Variants in HECW1 observed in about 807,000 individuals in gnomAD.
HECW1 encodes HECT, C2 and WW domain containing E3 ubiquitin protein ligase 1, also known as E3 ubiquitin-protein ligase HECW1.
HECW1 carries 61 observed loss-of-function variants against 182.3 expected under a neutral mutation model. The observed-to-expected ratio is 0.33, with a 90% CI of 0.27 to 0.41. The LOEUF (loss-of-function observed/expected upper bound fraction) is 0.41, where lower values mean the gene tolerates loss of function less well. Ranked by LOEUF, HECW1 falls within the 10% of genes least tolerant of loss-of-function variation. The pLI, the probability that HECW1 is intolerant of heterozygous loss-of-function variation, is 1.00. For missense variants in HECW1, 1,739 were observed against 2,108.9 expected, an observed-to-expected ratio of 0.82 and a Z score of 3.44; for synonymous variants, 859 against 832.6, an observed-to-expected ratio of 1.03 and a Z score of -0.55.
chr7:43,247,812 A>C (rs1799549172), intron 3 of HECW1, among the ~76,000 whole-genome samples: 1 of 139,208 alleles, frequency 7.2e-6, no homozygotes, highest in African/African-American at 3.0e-5. Context: ...GAAGGAAAGA[A>C]AAGAAAGAGA....
intron 2 of HECW1, among the ~76,000 whole-genome samples, chr7:43,154,678 C>T (rs904006157): frequency 1.7e-4 from 26 of 152,102 alleles, no homozygotes; most frequent in Non-Finnish European, 3.1e-4. Flanking sequence ...TTCAAGAAAG[C>T]CCTGTATTCC....
chr7:43,173,290 A>C (rs143713119), intron 2 of HECW1, among the ~76,000 whole-genome samples: 6 of 152,136 alleles, frequency 3.9e-5, no homozygotes, highest in Non-Finnish European at 8.8e-5. Flanking sequence ...TGGTTTTGCT[A>C]TCTGGTTTCT....
intron 6 of HECW1, among the ~76,000 whole-genome samples, chr7:43,372,611 A>T (rs1383865510): frequency 3.3e-5 from 5 of 152,016 alleles, no homozygotes; most frequent in Admixed American, 2.0e-4. Context: ...AAATAGTGGG[A>T]TTGTGGCTTT....
At chr7:43,141,788 G>A (rs1057175772) in intron 2 of HECW1, among the ~76,000 whole-genome samples, 10 of 152,164 alleles carry the variant, frequency 6.6e-5, no homozygotes, top group Non-Finnish European at 1.5e-4. Flanking sequence ...GTGAACCACC[G>A]CACCCGGTGA....
intron 2 of HECW1, among the ~76,000 whole-genome samples, chr7:43,136,609 C>A (rs1009963976): frequency 4.6e-5 from 7 of 152,192 alleles, no homozygotes; most frequent in African/African-American, 1.7e-4. Context: ...TGGCTGTGGC[C>A]TCAGCCTCAT....
rs186827661 is a variant in HECW1, at chr7:43,340,278, C to T, written c.460+19536C>T. 1.9e-3 allele frequency among the ~76,000 whole-genome samples: 255 copies of T among 135,508 alleles called. 3 individuals are homozygous for T. The highest frequency in any genetic ancestry group is 6.7e-3 in the African/African-American group (229 of 34,332). The allele number at this position is 135,508 out of a possible 152,430, so 88.9% of individuals were successfully genotyped here. A position where few individuals can be genotyped will look rare whatever the true frequency, so the allele number is the denominator to read the frequency against. ...CTCTGTCGCCCAGGCTAGAGTACAG[C>T]AGAGCAGTCTCAGCTCACTGCAACC... On this transcript the variant is annotated intron_variant, in intron 5 of 29. Coordinates refer to ENST00000395891, the MANE Select transcript of HECW1 (RefSeq NM_015052.5).
Position 43,479,762 on chromosome 7 carries a change from C to G in HECW1, c.3234+18C>G. ...CTGGAGAGGTAACCCTCCCTACACC[C>G]CGCCCTACTGTTCACCGGTCACAGT... On this transcript the variant is annotated intron_variant, in intron 17 of 29. Coordinates refer to ENST00000395891, the MANE Select transcript of HECW1 (RefSeq NM_015052.5). The G allele has an allele frequency of 6.2e-7, 1 of 1,613,626 alleles. No homozygotes were observed. Among genetic ancestry groups the G allele is most frequent in the Non-Finnish European group, 8.5e-7 (1 of 1,179,644 alleles).
At chr7:43,520,751 G>C (rs572141773) in intron 24 of HECW1, among the ~76,000 whole-genome samples, 58 of 152,156 alleles carry the variant, frequency 3.8e-4, no homozygotes, top group African/African-American at 1.4e-3. Flanking sequence ...CTGGCAAGGA[G>C]GGGTGCCTGG....
At chr7:43,517,008 G>A (rs1001265673) in intron 24 of HECW1, among the ~76,000 whole-genome samples, 3 of 152,170 alleles carry the variant, frequency 2.0e-5, no homozygotes, top group African/African-American at 7.2e-5. Flanking sequence ...TTTTGAGACC[G>A]CCGTTGTATA....
At chr7:43,307,074 A>C (rs1807667891) in intron 3 of HECW1, among the ~76,000 whole-genome samples, 2 of 152,208 alleles carry the variant, frequency 1.3e-5, no homozygotes, top group Admixed American at 1.3e-4. Flanking sequence ...AAATAGGAAA[A>C]AAAACCAAAA....
At chr7:43,306,791 A>AG (rs1807623969) in intron 3 of HECW1, among the ~76,000 whole-genome samples, 1 of 152,236 alleles carries the variant, frequency 6.6e-6, no homozygotes, top group Non-Finnish European at 1.5e-5. Context: ...TCTTAAAAAA[A>AG]AAATCCATGC....
intron 3 of HECW1, among the ~76,000 whole-genome samples, chr7:43,267,927 A>C (rs547738084): frequency 1.8e-4 from 28 of 152,316 alleles, no homozygotes; most frequent in African/African-American, 5.5e-4. Context: ...TTTTTAATGA[A>C]GTTTTCAGAA....
intron 3 of HECW1, among the ~76,000 whole-genome samples, chr7:43,295,637 G>C (rs1255008271): frequency 6.6e-6 from 1 of 152,096 alleles, no homozygotes. Context: ...GGGGAGGAGT[G>C]GTGGAGGAGG....
chr7:43,226,490 T>C (rs996520221), intron 2 of HECW1, among the ~76,000 whole-genome samples: 1 of 152,242 alleles, frequency 6.6e-6, no homozygotes, highest in African/African-American at 2.4e-5. Context: ...CTAAATGCTT[T>C]ACTTTTTTCA....
chr7:43,552,853 G>A (rs1239932202), intron 28 of HECW1, among the ~76,000 whole-genome samples: 2 of 152,188 alleles, frequency 1.3e-5, no homozygotes, highest in Admixed American at 6.5e-5. Context: ...CAAAGCAGGA[G>A]CTTGTACATG....
intron 2 of HECW1, among the ~76,000 whole-genome samples, chr7:43,238,336 T>G (rs1451988706): frequency 6.6e-6 from 1 of 152,228 alleles, no homozygotes; most frequent in Non-Finnish European, 1.5e-5. Flanking sequence ...TCTTACCACC[T>G]TGGCTCCAGG....
chr7:43,129,523 A>G (rs572269739), intron 2 of HECW1, among the ~76,000 whole-genome samples: 4 of 152,340 alleles, frequency 2.6e-5, no homozygotes, highest in Admixed American at 2.6e-4. Flanking sequence ...AAAGCAAAAA[A>G]TTTGTATGAT....
At position 43,445,233 on chromosome 7, in the gene HECW1, C is replaced by G. The variant is rs1472557000; in HGVS notation, c.2061C>G (p.Cys687Trp). The G allele has an allele frequency of 3.1e-6, 5 of 1,613,130 alleles. No individual in the cohort carries two copies. In the African/African-American group the frequency reaches 5.3e-5, roughly 17 times the overall value. ...CCSPSCYSSS[C>W]YSTSCYSSSC... is the part of the protein sequence containing the mutation. ...GCCCCTCGTGCTACAGCTCCTCGTG[C>G]TACAGCACGTCCTGCTACAGCAGCT... is the stretch of plus-strand genomic sequence containing the variant. The change falls in exon 11 of 30, where the codon TGC becomes TGG. Residue 687 changes from cysteine (C) to tryptophan (W), a missense_variant. By Grantham distance (215) the Cys-to-Trp change is radical. Transcript: ENST00000395891.
chr7:43,349,399 T>C lies in HECW1; in HGVS notation c.461-11487T>C, dbSNP rs150515905. 3.3e-3 allele frequency among the ~76,000 whole-genome samples: 508 copies of C among 152,324 alleles called. 2 individuals carry two copies. The highest frequency in any genetic ancestry group is 5.5e-3 in the Non-Finnish European group (375 of 68,022). On this transcript the variant is annotated intron_variant, in intron 5 of 29. Transcript: ENST00000395891. ...TGTTCCAAGGTATAGTTTAAGTCCA[T>C]TGTTTCTTTGTTGACTTCCTGTCTT...
Sources: allele counts gnomAD v4.1 joint callset (sites outside exome capture counted in the v4.1 genomes callset), GRCh38; gene constraint gnomAD v4.1.1; transcripts MANE v1.5; gene names NCBI Gene and HGNC (gene_info 2026-07-23, HGNC 2026-07-21).